The following NCBP2 variants were observed in gnomAD, a reference collection of about 807,000 sequenced individuals.
NCBP2 encodes nuclear cap-binding protein subunit 2.
In NCBP2, 8 loss-of-function variants were observed where a neutral mutation model predicts 21.5. The ratio of observed to expected loss-of-function variants is 0.37; its 90% CI spans 0.22 to 0.67. The LOEUF is 0.67. Among genes scored for constraint, NCBP2 ranks in the 30% least tolerant of loss-of-function variants. NCBP2 has a pLI of 0.56. For synonymous variants in NCBP2, 92 were observed against 75.8 expected (o/e 1.21, Z -1.11); for missense variants, 127 against 206.9 (o/e 0.61, Z 2.37).
Position 196,942,495 on chromosome 3 carries a change from A to G in NCBP2, c.9T>C (p.Gly3=), listed in dbSNP as rs766185158. Residue 3 remains glycine (G), a synonymous_variant, in exon 1 of 4, where the codon GGT becomes GGC. Transcript: ENST00000321256. MS[G]GLLKALRSDS... ...CGCTGCGCAGCGCCTTCAGGAGGCC[A>G]CCCGACATAGTGCAGAGAAGCGGAC... The G allele has an allele frequency of 1.9e-6, 3 of 1,612,716 alleles. No homozygotes were observed. Among genetic ancestry groups the G allele is most frequent in the East Asian group, 2.2e-5 (1 of 44,834 alleles).
chr3:196,942,506 T>G lies in NCBP2; in HGVS notation c.-3A>C. ...GCCTTCAGGAGGCCACCCGACATAGTGCAGAGAAGCGGACCACAATGCGGC... is the reference window on the plus strand; with the variant it reads ...GCCTTCAGGAGGCCACCCGACATAGGGCAGAGAAGCGGACCACAATGCGGC... On this transcript the variant is annotated 5_prime_UTR_variant, in exon 1 of 4. Coordinates refer to ENST00000321256, the MANE Select transcript of NCBP2 (RefSeq NM_007362.5). 6.2e-7 allele frequency: 1 copy of G among 1,611,996 alleles called. No homozygotes were observed. Among genetic ancestry groups the G allele is most frequent in the Non-Finnish European group, 8.5e-7 (1 of 1,179,230 alleles).
chr3:196,942,527 G>T lies in NCBP2; in HGVS notation c.-24C>A, dbSNP rs115005109. ...ATAGTGCAGAGAAGCGGACCACAAT[G>T]CGGCGACTCCCGGCACGAGGCTGCG... On this transcript the variant is annotated 5_prime_UTR_variant, in exon 1 of 4. Transcript: ENST00000321256. 1.2e-6 allele frequency: 2 copies of T among 1,607,104 alleles called. No individual in the cohort carries two copies. Among genetic ancestry groups the T allele is most frequent in the African/African-American group, 2.7e-5 (2 of 74,764 alleles).
At chr3:196,940,092 CG>C (rs1223837014) in intron 1 of NCBP2, 1 of 152,406 alleles carries the variant, frequency 6.6e-6, no homozygotes, top group African/African-American at 2.4e-5. Context: ...GGGTCAGGCG[CG>C]GTGGCTCATG....
intron 2 of NCBP2, chr3:196,938,508 A>G (rs1716370963): frequency 1.3e-5 from 2 of 152,258 alleles, no homozygotes; most frequent in Admixed American, 1.3e-4. Flanking sequence ...GATAAATCCA[A>G]GAGGTCCAAT....
intron 1 of NCBP2, chr3:196,942,113 G>A: frequency 6.8e-7 from 1 of 1,475,762 alleles, no homozygotes. Context: ...CGTCTGCGGA[G>A]GCACAACCGT....
intron 1 of NCBP2, 154 bp downstream of exon 1, chr3:196,942,272 A>G: frequency 3.3e-6 from 5 of 1,498,052 alleles, no homozygotes; most frequent in Non-Finnish European, 4.4e-6. Flanking sequence ...GCGCCCTTCC[A>G]GCACCCATTC....
rs1716292564 is a variant in NCBP2 at position 196,936,952 on chromosome 3, G to A, written c.*59C>T. The A allele has an allele frequency of 7.3e-6, 11 of 1,517,130 alleles. No individual in the cohort carries two copies. Among genetic ancestry groups the A allele is most frequent in the Middle Eastern group, 1.7e-4 (1 of 5,884 alleles). The allele number at this position is 1,517,130 out of a possible 1,614,324, so 94.0% of individuals were successfully genotyped here. ...GGCTCGTGTGCAGACTTTAGGTGAT[G>A]TTCTTCAGCAAATTCAACAGGCCAA... On this transcript the variant is annotated 3_prime_UTR_variant, in exon 4 of 4. Transcript: ENST00000321256.
chr3:196,942,169 C>T lies in NCBP2; in HGVS notation c.78+257G>A, dbSNP rs1716620044. The T allele has an allele frequency of 3.4e-6, 5 of 1,459,444 alleles. No homozygotes were observed. The South Asian group carries it at 7.2e-5, about 21-fold the overall frequency. The allele number at this position is 1,459,444 out of a possible 1,614,324, so 90.4% of individuals were successfully genotyped here. Reference sequence around the variant, plus strand: ...CCACCACCGCTCAAACCTCTCGGCACTGGCTGGGGTACAGGGAGCGGCTGC... The same window carrying T: ...CCACCACCGCTCAAACCTCTCGGCATTGGCTGGGGTACAGGGAGCGGCTGC... On this transcript the variant is annotated intron_variant, in intron 1 of 3. Coordinates refer to ENST00000321256, the MANE Select transcript of NCBP2 (RefSeq NM_007362.5).
At chr3:196,939,490 T>C (rs1311873065) in intron 1 of NCBP2, 58 bp from the exon 2 acceptor site, 4 of 1,246,952 alleles carry the variant, frequency 3.2e-6, no homozygotes, top group Non-Finnish European at 4.5e-6. Context: ...TTAAATAGTA[T>C]TTCTAAGTAC....
rs756862806 is a variant in NCBP2, at chr3:196,939,277, TTTC to T, written c.231_233del (p.Lys78del). ...CCACAAAACAGAATCCACATGCTGT[TTTC>T]TTCATTTTATCCAGACCCATAATGA... On this transcript the variant is annotated inframe_deletion, in exon 2 of 4. Coordinates refer to ENST00000321256, the MANE Select transcript of NCBP2 (RefSeq NM_007362.5). The T allele has an allele frequency of 1.9e-6, 3 of 1,613,974 alleles. No homozygotes were observed. Among genetic ancestry groups the T allele is most frequent in the Non-Finnish European group, 2.5e-6 (3 of 1,179,858 alleles).
intron 2 of NCBP2, 177 bp downstream of exon 2, chr3:196,939,074 G>C (rs1716404585): frequency 2.0e-6 from 1 of 505,970 alleles, no homozygotes; most frequent in African/African-American, 2.0e-5. Context: ...ATAAAGCATG[G>C]ATTTCAGAAG....
rs544973951 is a variant in NCBP2 at position 196,937,668 on chromosome 3, T to C, written c.261-20A>G. 6.2e-7 allele frequency: 1 copy of C among 1,610,914 alleles called. No homozygotes were observed. The highest frequency in any genetic ancestry group is 1.1e-5 in the South Asian group (1 of 91,000). On this transcript the variant is annotated intron_variant, in intron 2 of 3. Coordinates refer to ENST00000321256, the MANE Select transcript of NCBP2 (RefSeq NM_007362.5). Reference sequence around the variant, plus strand: ...TAATATCTTAAGTATTAAGGAACACTAGCATTTTTCCAAACATTTCTGGAA... The same window carrying C: ...TAATATCTTAAGTATTAAGGAACACCAGCATTTTTCCAAACATTTCTGGAA...
chr3:196,937,764 C>A, intron 2 of NCBP2, 116 bp from the exon 3 acceptor site: 1 of 1,312,230 alleles, frequency 7.6e-7, no homozygotes, highest in South Asian at 1.3e-5. Context: ...AGATGGAGTT[C>A]AAAGACAGTA....
intron 3 of NCBP2, 200 bp from the exon 4 acceptor site, chr3:196,937,282 C>T: frequency 1.3e-6 from 1 of 766,180 alleles, no homozygotes. Flanking sequence ...GATACCTAGC[C>T]CTAGCAGAAG....
chr3:196,938,400 G>A (rs915072454), intron 2 of NCBP2: 1 of 151,798 alleles, frequency 6.6e-6, no homozygotes, highest in Non-Finnish European at 1.5e-5. Flanking sequence ...CATAATTCAG[G>A]GCACAGGAAA....
Position 196,937,602 on chromosome 3 carries a change from C to A in NCBP2, c.307G>T (p.Gly103Trp), listed in dbSNP as rs1393864695. ...ATGATTCGGTCATCCAGACGCGTCC[C>A]ATTTATGTACCGCATGGCGTTTTCC... ...DAENAMRYIN[G>W]TRLDDRIIRT... The change falls in exon 3 of 4, where the codon GGG (glycine) becomes TGG (tryptophan). Residue 103 changes from glycine (G) to tryptophan (W), a missense_variant. Physicochemically the swap from Gly to Trp is radical, Grantham distance 184 (BLOSUM62 -2). Coordinates refer to ENST00000321256, the MANE Select transcript of NCBP2 (RefSeq NM_007362.5). The A allele has an allele frequency of 6.2e-7, 1 of 1,614,088 alleles. No homozygotes were observed. Among genetic ancestry groups the A allele is most frequent in the Non-Finnish European group, 8.5e-7 (1 of 1,180,052 alleles).
rs1716238315 is a variant in NCBP2, at chr3:196,935,908, G to A, written c.*1103C>T. The A allele has an allele frequency of 6.6e-6, 1 of 152,186 alleles. No individual in the cohort carries two copies. 9.4% of individuals were successfully genotyped at this position (152,186 alleles called of 1,614,324 possible). A position where few individuals can be genotyped will look rare whatever the true frequency, so the allele number is the denominator to read the frequency against. ...GCTCACTGTGAAGGCTTGAGCCTCAGTAGGTAAAATTTGAGGAAAAAAATG... is the reference window on the plus strand; with the variant it reads ...GCTCACTGTGAAGGCTTGAGCCTCAATAGGTAAAATTTGAGGAAAAAAATG... On this transcript the variant is annotated 3_prime_UTR_variant, in exon 4 of 4. Coordinates refer to ENST00000321256, the MANE Select transcript of NCBP2 (RefSeq NM_007362.5).
chr3:196,936,493 C>T lies in NCBP2; in HGVS notation c.*518G>A, dbSNP rs1018175597. The T allele has an allele frequency of 1.9e-5, 3 of 157,246 alleles. No individual in the cohort carries two copies. Among genetic ancestry groups the T allele is most frequent in the African/African-American group, 7.2e-5 (3 of 41,452 alleles). The allele number at this position is 157,246 out of a possible 1,614,324, so 9.7% of individuals were successfully genotyped here. A position where few individuals can be genotyped will look rare whatever the true frequency, so the allele number is the denominator to read the frequency against. ...GTCTTGCTATGTTGCCCAGTCTAGT[C>T]TCAAACTCCTGGCCTCAAGCTATCC... is the stretch of plus-strand genomic sequence containing the variant. On this transcript the variant is annotated 3_prime_UTR_variant, in exon 4 of 4. Transcript: ENST00000321256.
At chr3:196,937,362 A>G in intron 3 of NCBP2, 148 bp downstream of exon 3, 2 of 1,249,684 alleles carry the variant, frequency 1.6e-6, no homozygotes, top group Non-Finnish European at 2.2e-6. Flanking sequence ...AAATTCACCC[A>G]AACCGTTGGG....
Sources: allele counts gnomAD v4.1 joint callset, GRCh38; gene constraint gnomAD v4.1.1; transcripts MANE v1.5; gene names NCBI Gene and HGNC (gene_info 2026-07-23, HGNC 2026-07-21).